CCDC83: variants seen among roughly 807,000 people sequenced by gnomAD.
CCDC83 encodes coiled-coil domain-containing protein 83.
In CCDC83, 54 loss-of-function variants were observed where a neutral mutation model predicts 50.1. That is an observed-to-expected ratio of 1.08 (90% confidence interval 0.87 to 1.35). The LOEUF is 1.35. CCDC83 is among the 40% of genes most tolerant of loss of function. The probability of loss-of-function intolerance (pLI) is 0.00; values close to 1 mark genes in which losing one functional copy is unlikely to be tolerated. For synonymous variants in CCDC83, 161 were observed against 153.3 expected (o/e 1.05, Z -0.37); for missense variants, 518 against 473.9 (o/e 1.09, Z -0.86).
chr11:85,916,529 C>T (rs769289265), intron 10 of CCDC83: 5 of 329,626 alleles, frequency 1.5e-5, no homozygotes, highest in Non-Finnish European at 2.8e-5. Flanking sequence ...TATTTATTCT[C>T]GCTTAGGGCT....
intron 8 of CCDC83, among the ~76,000 whole-genome samples, chr11:85,913,884 A>G (rs2093465939): frequency 6.6e-6 from 1 of 152,248 alleles, no homozygotes; most frequent in Non-Finnish European, 1.5e-5. Flanking sequence ...CATATCATTA[A>G]GTATCAAGTG....
At position 85,903,562 on chromosome 11, in the gene CCDC83, A is replaced by C. The variant is rs187103329; in HGVS notation, c.672+4547A>C. Among the ~76,000 whole-genome samples, 601 of 152,054 alleles carry C rather than the reference A, an allele frequency of 4.0e-3. 3 individuals carry two copies. The highest frequency in any genetic ancestry group is 0.01 in the Admixed American group (157 of 15,266). ...AAGTGATCCACCCGCCTCGGCCTCC[A>C]ACAGTGCTGGTATTACAGGCGTGAG... On this transcript the variant is annotated intron_variant, in intron 7 of 10. Transcript: ENST00000342404.
chr11:85,867,056 G>C (rs918245163), intron 2 of CCDC83, among the ~76,000 whole-genome samples: 6 of 152,152 alleles, frequency 3.9e-5, no homozygotes, highest in Admixed American at 2.6e-4. Context: ...CTTTGTTTAA[G>C]AGAGTTGTTG....
rs375946323 is a variant in CCDC83, at chr11:85,916,195, A to G, written c.1042A>G (p.Met348Val). ...NSGTEFGDTD[M>V]KYLLYEDEKD... ...AGGCACAGAGTTTGGGGACACTGAT[A>G]TGAAGTACTTACTATATGAGGATGA... The change falls in exon 10 of 11, where the codon ATG (methionine) becomes GTG (valine). Residue 348 changes from methionine to valine, a missense_variant. Coordinates refer to ENST00000342404, the MANE Select transcript of CCDC83 (RefSeq NM_001286159.2). 9 of 1,613,036 alleles carry G rather than the reference A, an allele frequency of 5.6e-6. No individual in the cohort carries two copies. In the East Asian group the frequency reaches 1.8e-4, roughly 32 times the overall value.
chr11:85,868,635 T>C (rs1213495232), intron 2 of CCDC83, among the ~76,000 whole-genome samples: 1 of 152,190 alleles, frequency 6.6e-6, no homozygotes, highest in Admixed American at 6.6e-5. Flanking sequence ...CCTCCCAAAG[T>C]GCTGGGAGCC....
intron 2 of CCDC83, among the ~76,000 whole-genome samples, chr11:85,866,974 G>A (rs985226806): frequency 2.6e-5 from 4 of 152,206 alleles, no homozygotes; most frequent in Admixed American, 2.6e-4. Context: ...GTCAGATCAA[G>A]AAGAACACTT....
In CCDC83 at chr11:85,898,096, G is replaced by A. The variant is rs1592175603; in HGVS notation, c.604-851G>A. ...TCTCTTGAACCCAGGAGCAGAGGTT[G>A]CAGTGAGCCAAGATCACACTATCAC... On this transcript the variant is annotated intron_variant, in intron 6 of 10. Coordinates refer to ENST00000342404, the MANE Select transcript of CCDC83 (RefSeq NM_001286159.2). Among the ~76,000 whole-genome samples the A allele has an allele frequency of 2.6e-5, 4 of 151,474 alleles. No individual in the cohort carries two copies. The East Asian group carries it at 7.7e-4, about 29-fold the overall frequency.
At chr11:85,907,884 T>G (rs1206142437) in intron 7 of CCDC83, among the ~76,000 whole-genome samples, 2 of 152,198 alleles carry the variant, frequency 1.3e-5, no homozygotes, top group Admixed American at 1.3e-4. Flanking sequence ...CTCCCAAGCA[T>G]GCCAGGCCCT....
In CCDC83 at chr11:85,908,752, CAA is replaced by C. The variant is rs60768638; in HGVS notation, c.673-2515_673-2514del. Reference sequence around the variant, plus strand: ...AACCCCGACTCTACAAAAAAAATACCAAAAAAAAAAAAAAAGATTAGCCAAGT... The same window carrying C: ...AACCCCGACTCTACAAAAAAAATACCAAAAAAAAAAAAAGATTAGCCAAGT... On this transcript the variant is annotated intron_variant, in intron 7 of 10. Coordinates refer to ENST00000342404, the MANE Select transcript of CCDC83 (RefSeq NM_001286159.2). Among the ~76,000 whole-genome samples, 458 of 136,248 alleles carry C rather than the reference CAA, an allele frequency of 3.4e-3. 2 individuals are homozygous for C. Among genetic ancestry groups the C allele is most frequent in the African/African-American group, 9.5e-3 (357 of 37,478 alleles). 89.4% of individuals were successfully genotyped at this position (136,248 alleles called of 152,430 possible). A position where few individuals can be genotyped will look rare whatever the true frequency, so the allele number is the denominator to read the frequency against.
At chr11:85,860,829 T>C (rs889233303) in intron 1 of CCDC83, among the ~76,000 whole-genome samples, 1 of 152,212 alleles carries the variant, frequency 6.6e-6, no homozygotes, top group Non-Finnish European at 1.5e-5. Flanking sequence ...TCGTGTCCTT[T>C]GTAGCAACAT....
At chr11:85,916,331 A>C in intron 10 of CCDC83, 98 bp downstream of exon 10, 1 of 919,876 alleles carries the variant, frequency 1.1e-6, no homozygotes, top group Non-Finnish European at 1.7e-6. Flanking sequence ...TGGATATTGA[A>C]AATTCCATTT....
intron 3 of CCDC83, among the ~76,000 whole-genome samples, chr11:85,880,044 TCTTA>T (rs1228217642): frequency 1.3e-5 from 2 of 152,186 alleles, no homozygotes; most frequent in African/African-American, 2.4e-5. Flanking sequence ...AATTAATTCC[TCTTA>T]CTTTATTCTT....
Position 85,899,068 on chromosome 11 carries a change from G to C in CCDC83, c.672+53G>C, listed in dbSNP as rs2093388614. On this transcript the variant is annotated intron_variant, in intron 7 of 10. Coordinates refer to ENST00000342404, the MANE Select transcript of CCDC83 (RefSeq NM_001286159.2). The stretch of plus-strand genomic sequence containing the variant: ...TTTCTTCGTTCTCATTTTTTTAAGT[G>C]GAAATGACTTTTAATTATGAACTGA... The C allele has an allele frequency of 5.4e-6, 7 of 1,304,150 alleles. No homozygotes were observed. In the South Asian group the frequency reaches 7.2e-5, roughly 14 times the overall value. The allele number at this position is 1,304,150 out of a possible 1,614,324, so 80.8% of individuals were successfully genotyped here. A position where few individuals can be genotyped will look rare whatever the true frequency, so the allele number is the denominator to read the frequency against.
At chr11:85,874,456 ATAGT>A (rs2093257859) in intron 3 of CCDC83, among the ~76,000 whole-genome samples, 1 of 152,238 alleles carries the variant, frequency 6.6e-6, no homozygotes, top group African/African-American at 2.4e-5. Context: ...GGAGCCAGAA[ATAGT>A]TAAAGTTCTT....
At chr11:85,892,367 T>C (rs1350338141) in intron 5 of CCDC83, among the ~76,000 whole-genome samples, 1 of 152,206 alleles carries the variant, frequency 6.6e-6, no homozygotes, top group Admixed American at 6.5e-5. Context: ...AAATGGTTAA[T>C]TGTTACCAGA....
intron 2 of CCDC83, among the ~76,000 whole-genome samples, chr11:85,865,550 T>C (rs549520912): frequency 6.6e-6 from 1 of 152,338 alleles, no homozygotes; most frequent in East Asian, 1.9e-4. Context: ...GCTTGCTAGC[T>C]TACCTCTTAA....
At chr11:85,911,101 G>A (rs2093451283) in intron 7 of CCDC83, among the ~76,000 whole-genome samples, 180 bp from the exon 8 acceptor site, 3 of 151,018 alleles carry the variant, frequency 2.0e-5, no homozygotes, top group South Asian at 4.2e-4. Context: ...AACCCAGGAG[G>A]TAGAGGTTGC....
chr11:85,888,735 GA>G (rs2093338550), intron 5 of CCDC83, among the ~76,000 whole-genome samples: 1 of 152,092 alleles, frequency 6.6e-6, no homozygotes, highest in African/African-American at 2.4e-5. Flanking sequence ...TTTTGTGTGA[GA>G]GAGTGATCCA....
At chr11:85,898,865 T>C in intron 6 of CCDC83, 82 bp from the exon 7 acceptor site, 1 of 920,526 alleles carries the variant, frequency 1.1e-6, no homozygotes, top group East Asian at 2.4e-5. Context: ...AAATGAATGA[T>C]CAGAATAACT....
Sources: allele counts gnomAD v4.1 joint callset (sites outside exome capture counted in the v4.1 genomes callset), GRCh38; gene constraint gnomAD v4.1.1; transcripts MANE v1.5; gene names NCBI Gene and HGNC (gene_info 2026-07-23, HGNC 2026-07-21).